FAAH2: variants seen among roughly 807,000 people sequenced by gnomAD.
FAAH2 encodes fatty acid amide hydrolase 2.
Under a neutral mutation model 36.9 loss-of-function variants are expected in FAAH2, and 60 were observed. The observed-to-expected ratio is 1.63, with a 90% CI of 1.32 to 2.02. The LOEUF (loss-of-function observed/expected upper bound fraction) is 2.02, where lower values mean the gene tolerates loss of function less well. FAAH2 is among the 30% of genes most tolerant of loss of function. The probability of loss-of-function intolerance (pLI) is 0.00; values close to 1 mark genes in which losing one functional copy is unlikely to be tolerated. For synonymous variants in FAAH2, 214 were observed against 143.8 expected (o/e 1.49, Z -3.49); for missense variants, 689 against 397.5 (o/e 1.73, Z -6.23).
intron 3 of FAAH2, among the ~76,000 whole-genome samples, chrX:57,324,828 T>G (rs1164619871): frequency 8.9e-6 from 1 of 112,054 alleles, no homozygotes; most frequent in African/African-American, 3.2e-5. Flanking sequence ...GAATACCCTT[T>G]ATTTCCTTCT....
intron 5 of FAAH2, among the ~76,000 whole-genome samples, chrX:57,370,829 G>T (rs758267287): frequency 8.9e-6 from 1 of 111,737 alleles, no homozygotes; most frequent in Non-Finnish European, 1.9e-5. Context: ...AGACTCTAAT[G>T]CCTGATGATC....
chrX:57,145,915 A>G, the FAAH2 span, among the ~76,000 whole-genome samples: 1 of 111,170 alleles, frequency 9.0e-6, no homozygotes, highest in Non-Finnish European at 1.9e-5. Flanking sequence ...CCATTGGTCT[A>G]TGTGCCTGTT....
chrX:57,183,273 A>G, the FAAH2 span, among the ~76,000 whole-genome samples: 1 of 111,789 alleles, frequency 8.9e-6, no homozygotes, highest in Non-Finnish European at 1.9e-5. Context: ...TCTAAACTTC[A>G]CCTTAAGGTA....
chrX:57,482,281 G>A (rs2057394228), intron 10 of FAAH2, among the ~76,000 whole-genome samples: 1 of 111,275 alleles, frequency 9.0e-6, no homozygotes, highest in Non-Finnish European at 1.9e-5. Context: ...GTGTCACTGG[G>A]GTTCCAGGTG....
At chrX:57,242,759 A>G in the FAAH2 span, among the ~76,000 whole-genome samples, 3 of 112,229 alleles carry the variant, frequency 2.7e-5, no homozygotes, top group Non-Finnish European at 5.6e-5. Flanking sequence ...GGTCTTTGCA[A>G]CCCACAGACC....
At chrX:57,283,085 C>A (rs2051768523), upstream of FAAH2, among the ~76,000 whole-genome samples, 3 of 112,190 alleles carry the variant, frequency 2.7e-5, no homozygotes, top group Non-Finnish European at 5.6e-5. Context: ...TTGGCCCAAG[C>A]CATGGGAACC....
intron 7 of FAAH2, among the ~76,000 whole-genome samples, chrX:57,407,716 C>T (rs764502063): frequency 1.8e-5 from 2 of 111,505 alleles, no homozygotes; most frequent in African/African-American, 3.3e-5. Context: ...GGAAGGGGCT[C>T]GCATTGGAGA....
In FAAH2 at chrX:57,330,158, C is replaced by T. The variant is rs185763284; in HGVS notation, c.413-1440C>T. On this transcript the variant is annotated intron_variant, in intron 3 of 10. Transcript: ENST00000374900. ...AGAGATAACCTTAAACTCTGACCAC[C>T]GGTGAGCCGGGTGGAACAGAGTCAT... Among the ~76,000 whole-genome samples the T allele has an allele frequency of 3.2e-3, 357 of 111,886 alleles. 3 individuals carry two copies. The highest frequency in any genetic ancestry group is 5.9e-3 in the Non-Finnish European group (316 of 53,175).
At chrX:57,381,247 TAAATC>T (rs1456311006) in intron 7 of FAAH2, among the ~76,000 whole-genome samples, 3 of 111,615 alleles carry the variant, frequency 2.7e-5, no homozygotes, top group Non-Finnish European at 5.7e-5. Flanking sequence ...TAAAGTATGA[TAAATC>T]AAATAAATAA....
the FAAH2 span, among the ~76,000 whole-genome samples, chrX:57,232,431 T>A: frequency 8.9e-6 from 1 of 112,145 alleles, no homozygotes; most frequent in Admixed American, 9.4e-5. Flanking sequence ...AAAGTGCCAG[T>A]CAGCCAAACA....
At chrX:57,424,202 T>A (rs781500773) in intron 7 of FAAH2, among the ~76,000 whole-genome samples, 1 of 112,212 alleles carries the variant, frequency 8.9e-6, no homozygotes, top group Non-Finnish European at 1.9e-5. Context: ...AGTCAGTCCT[T>A]TTTTTGGTGT....
At chrX:57,469,000 G>C (rs192040320) in intron 10 of FAAH2, among the ~76,000 whole-genome samples, 10 of 111,300 alleles carry the variant, frequency 9.0e-5, no homozygotes, top group Non-Finnish European at 1.7e-4. Context: ...GCCAAACTAA[G>C]CTTCATAAGT....
At chrX:57,315,816 A>G (rs1044116032) in intron 3 of FAAH2, among the ~76,000 whole-genome samples, 82 of 111,580 alleles carry the variant, frequency 7.3e-4, no homozygotes, top group African/African-American at 2.6e-3. Context: ...CTAAATGGGC[A>G]AAAGCTGGAA....
chrX:57,185,486 C>G, the FAAH2 span, among the ~76,000 whole-genome samples: 1 of 90,671 alleles, frequency 1.1e-5, no homozygotes, highest in African/African-American at 5.2e-5. Flanking sequence ...CTCTCTCTGT[C>G]TCTGTGTGTG....
At chrX:57,134,727 A>G in the FAAH2 span, 1 of 111,680 alleles carries the variant, frequency 9.0e-6, no homozygotes, top group African/African-American at 3.3e-5. Context: ...CCCATCCTCT[A>G]CCAAGATTGC....
chrX:57,481,494 G>A (rs745552928), intron 10 of FAAH2, among the ~76,000 whole-genome samples: 75 of 111,774 alleles, frequency 6.7e-4, no homozygotes, highest in Middle Eastern at 4.6e-3. Flanking sequence ...TAACAGTCAG[G>A]CCTCTCTTCT....
At chrX:57,455,276 C>T (rs1412478644) in intron 10 of FAAH2, among the ~76,000 whole-genome samples, 3 of 111,061 alleles carry the variant, frequency 2.7e-5, no homozygotes, top group Non-Finnish European at 3.8e-5. Flanking sequence ...ATTACCAGAC[C>T]ACCCTTACCC....
At chrX:57,180,105 CA>C in the FAAH2 span, among the ~76,000 whole-genome samples, 6 of 111,841 alleles carry the variant, frequency 5.4e-5, no homozygotes, top group Admixed American at 9.5e-5. Context: ...TTCTGGGACA[CA>C]ACTAAGGCAG....
At chrX:57,447,375 G>T (rs771165527) in intron 9 of FAAH2, among the ~76,000 whole-genome samples, 1 of 111,296 alleles carries the variant, frequency 9.0e-6, no homozygotes, top group Non-Finnish European at 1.9e-5. Context: ...CTGGGGTCTG[G>T]AGGACAGTGG....
Sources: gnomAD v4.1 joint callset for allele counts (sites outside exome capture counted in the v4.1 genomes callset) on GRCh38, gnomAD v4.1.1 for gene constraint, MANE v1.5 for transcripts, NCBI Gene and HGNC (gene_info 2026-07-23, HGNC 2026-07-21) for gene names.